Variants in PLEKHB2 observed in about 807,000 individuals in gnomAD.
PLEKHB2 encodes pleckstrin homology domain containing B2.
Under a neutral mutation model 36.5 loss-of-function variants are expected in PLEKHB2, and 31 were observed. The observed-to-expected ratio is 0.85, with a 90% CI of 0.64 to 1.15. The LOEUF (loss-of-function observed/expected upper bound fraction) is 1.15. Ranked by LOEUF, PLEKHB2 falls within the 50% of genes most tolerant of loss-of-function variation. The pLI is 0.00. For missense variants in PLEKHB2, 262 were observed against 295.3 expected, an observed-to-expected ratio of 0.89 and a Z score of 0.83; for synonymous variants, 119 against 112.0, an observed-to-expected ratio of 1.06 and a Z score of -0.39.
chr2:131,128,996 G>C (rs928861082), intron 4 of PLEKHB2, among the ~76,000 whole-genome samples: 1 of 144,956 alleles, frequency 6.9e-6, no homozygotes, highest in Non-Finnish European at 1.5e-5. Context: ...AAATCAGTTG[G>C]GGAATTTTGC....
chr2:131,118,316 G>A (rs1284158061), intron 1 of PLEKHB2, among the ~76,000 whole-genome samples: 1 of 152,152 alleles, frequency 6.6e-6, no homozygotes, highest in African/African-American at 2.4e-5. Context: ...TCGTTTCTTG[G>A]TAAGGACAGA....
At chr2:131,125,568 G>A (rs1301691644) in intron 2 of PLEKHB2, among the ~76,000 whole-genome samples, 185 bp from the exon 3 acceptor site, 5 of 152,210 alleles carry the variant, frequency 3.3e-5, no homozygotes, top group Non-Finnish European at 7.3e-5. Flanking sequence ...GGCTGAGCAT[G>A]GTGGCATGTG....
intron 6 of PLEKHB2, among the ~76,000 whole-genome samples, chr2:131,137,808 A>G (rs1698417218): frequency 6.6e-6 from 1 of 151,724 alleles, no homozygotes; most frequent in South Asian, 2.1e-4. Flanking sequence ...CAAAAGTTTG[A>G]CTATAATGTG....
At position 131,146,735 on chromosome 2, in the gene PLEKHB2, A is replaced by G. The variant is rs1699328195; in HGVS notation, c.631A>G (p.Thr211Ala). 6.2e-7 allele frequency: 1 copy of G among 1,613,860 alleles called. No homozygotes were observed. Residue 211 changes from threonine to alanine, a missense_variant, in exon 8 of 8, where the codon ACG becomes GCG. Transcript: ENST00000693505. The stretch of plus-strand genomic sequence containing the variant: ...ACTGGGCATGCTGGCAGGAGCAGCC[A>G]CGGGCATGGCCTTAGGGTCTCTATT... ...LALGMLAGAATGMALGSLFWV... is the reference protein window; with the variant it reads ...LALGMLAGAAAGMALGSLFWV...
chr2:131,120,711 G>T, intron 1 of PLEKHB2: 2 of 609,848 alleles, frequency 3.3e-6, no homozygotes, highest in Non-Finnish European at 5.9e-6. Context: ...TGGGCTGGGT[G>T]GTGAGGCTGA....
intron 1 of PLEKHB2, among the ~76,000 whole-genome samples, chr2:131,109,259 G>A (rs1461582538): frequency 6.6e-6 from 1 of 152,176 alleles, no homozygotes; most frequent in African/African-American, 2.4e-5. Flanking sequence ...ATTTAAAAAC[G>A]AAAGCAGAGC....
intron 1 of PLEKHB2, among the ~76,000 whole-genome samples, chr2:131,110,626 G>A (rs143292134): frequency 1.3e-5 from 2 of 152,256 alleles, no homozygotes; most frequent in Non-Finnish European, 2.9e-5. Context: ...TCCCACCTTG[G>A]CTTCCCAAAG....
At chr2:131,144,373 T>G (rs2104985913) in intron 7 of PLEKHB2, 1 of 1,167,160 alleles carries the variant, frequency 8.6e-7, no homozygotes, top group East Asian at 3.2e-5. Flanking sequence ...TTGAGTTGGC[T>G]CCTTTGGTTG....
chr2:131,126,569 A>T (rs752621803), intron 3 of PLEKHB2, 115 bp from the exon 4 acceptor site: 2 of 688,832 alleles, frequency 2.9e-6, no homozygotes, highest in African/African-American at 3.6e-5. Context: ...GGGTTCTTTC[A>T]TAGATGTAGC....
Position 131,146,644 on chromosome 2 carries a change from T to C in PLEKHB2, c.540T>C (p.Tyr180=), listed in dbSNP as rs1169031606. ...VPYQYPYAGL[Y]GQQPANQVII... Reference sequence around the variant, plus strand: ...ATTTTCCTTCTCTTTTAGGACTTTATGGACAGCAGCCTGCTAACCAAGTCA... The same window carrying C: ...ATTTTCCTTCTCTTTTAGGACTTTACGGACAGCAGCCTGCTAACCAAGTCA... The change falls in exon 8 of 8, where the codon TAT becomes TAC. Residue 180 remains tyrosine (Y), a synonymous_variant. Coordinates refer to ENST00000693505, the MANE Select transcript of PLEKHB2 (RefSeq NM_001100623.2). The C allele has an allele frequency of 3.1e-6, 5 of 1,611,412 alleles. No homozygotes were observed. Among genetic ancestry groups the C allele is most frequent in the Non-Finnish European group, 3.4e-6 (4 of 1,179,008 alleles).
At chr2:131,130,796 T>C (rs771502765) in intron 5 of PLEKHB2, 36 bp downstream of exon 5, 1 of 1,538,700 alleles carries the variant, frequency 6.5e-7, no homozygotes, top group Non-Finnish European at 9.0e-7. Context: ...TAATTTTTTT[T>C]TTTTTTGACA....
intron 1 of PLEKHB2, among the ~76,000 whole-genome samples, chr2:131,116,513 A>G (rs1241198547): frequency 6.6e-6 from 1 of 152,212 alleles, no homozygotes; most frequent in East Asian, 1.9e-4. Flanking sequence ...GCTTACAATC[A>G]TGGCAGAAGG....
At chr2:131,131,405 ATT>A (rs1231659627) in intron 5 of PLEKHB2, among the ~76,000 whole-genome samples, 1 of 152,166 alleles carries the variant, frequency 6.6e-6, no homozygotes, top group Non-Finnish European at 1.5e-5. Flanking sequence ...TGAAACAAAC[ATT>A]TTTGTGACTT....
chr2:131,148,139 A>C lies in PLEKHB2; in HGVS notation c.*1366A>C, dbSNP rs1573652850. On this transcript the variant is annotated 3_prime_UTR_variant, in exon 8 of 8. Transcript: ENST00000693505. ...TGAGCAGACTTGGGTTATGGATGGG[A>C]TATGGGGCCCAGGGACCCTCAGGAC... The C allele has an allele frequency of 6.6e-6, 1 of 152,188 alleles. No homozygotes were observed. The highest frequency in any genetic ancestry group is 2.4e-5 in the African/African-American group (1 of 41,396). The allele number at this position is 152,188 out of a possible 1,614,324, so 9.4% of individuals were successfully genotyped here.
At position 131,132,920 on chromosome 2, in the gene PLEKHB2, G is replaced by T. The variant is rs556504183; in HGVS notation, c.352G>T (p.Val118Phe). 3.1e-5 allele frequency: 50 copies of T among 1,613,032 alleles called. No homozygotes were observed. In the East Asian group the frequency reaches 1.0e-3, roughly 33 times the overall value. ...RTNTAYVGSA[V>F]MTDETSVVSS... ...CCCGCAGGCGTATGTGGGCTCTGCA[G>T]TCATGACCGATGAGACATCCGTGGT... The change falls in exon 6 of 8, where the codon GTC becomes TTC. Residue 118 changes from valine to phenylalanine, a missense_variant. Val to Phe is a conservative substitution (Grantham distance 50, BLOSUM62 -1). Transcript: ENST00000693505.
intron 7 of PLEKHB2, among the ~76,000 whole-genome samples, chr2:131,145,245 T>A (rs1047600864): frequency 7.2e-5 from 11 of 152,226 alleles, no homozygotes; most frequent in Non-Finnish European, 1.3e-4. Context: ...TGTAGTGCTG[T>A]AAGTGGCTGG....
At chr2:131,111,027 C>T (rs1405311020) in intron 1 of PLEKHB2, among the ~76,000 whole-genome samples, 13 of 151,556 alleles carry the variant, frequency 8.6e-5, no homozygotes, top group Non-Finnish European at 1.5e-4. Context: ...TTTTTTGAGA[C>T]GGAGTCTCGC....
intron 1 of PLEKHB2, among the ~76,000 whole-genome samples, chr2:131,110,440 A>G (rs1695184597): frequency 6.6e-6 from 1 of 151,524 alleles, no homozygotes; most frequent in African/African-American, 2.4e-5. Context: ...TGACATGATC[A>G]TTCATGGCTT....
At chr2:131,128,286 G>A (rs892661329) in intron 4 of PLEKHB2, among the ~76,000 whole-genome samples, 6 of 152,134 alleles carry the variant, frequency 3.9e-5, no homozygotes, top group African/African-American at 9.7e-5. Flanking sequence ...CATGTTAAAC[G>A]TGAGCAGGAT....
Sources: allele counts gnomAD v4.1 joint callset (sites outside exome capture counted in the v4.1 genomes callset), GRCh38; gene constraint gnomAD v4.1.1; transcripts MANE v1.5; gene names NCBI Gene and HGNC (gene_info 2026-07-23, HGNC 2026-07-21).